Variants in FRMD6 observed in about 807,000 individuals in gnomAD.
FRMD6 encodes FERM domain-containing protein 6.
In FRMD6, 37 loss-of-function variants were observed where a neutral mutation model predicts 73.2. That is an observed-to-expected ratio of 0.51 (90% CI 0.39 to 0.66). The LOEUF is 0.66. FRMD6 is among the 30% of genes least tolerant of loss of function. The probability of loss-of-function intolerance (pLI) is 0.00; values close to 1 mark genes in which losing one functional copy is unlikely to be tolerated. For synonymous variants in FRMD6, 273 were observed against 282.2 expected, an observed-to-expected ratio of 0.97 and a Z score of 0.33; for missense variants, 714 against 780.5, an observed-to-expected ratio of 0.91 and a Z score of 1.02.
the FRMD6 span, among the ~76,000 whole-genome samples, chr14:51,478,498 A>G: frequency 1.3e-5 from 2 of 152,206 alleles, no homozygotes; most frequent in Non-Finnish European, 2.9e-5. Flanking sequence ...ATTCCAATTG[A>G]GCCAATGTAA....
chr14:51,498,372 C>G (rs541848535), intron 1 of FRMD6, among the ~76,000 whole-genome samples: 13 of 152,136 alleles, frequency 8.5e-5, no homozygotes, highest in African/African-American at 3.1e-4. Context: ...AAAGCCAATG[C>G]CACATATTTT....
Position 51,689,954 on chromosome 14 carries a change from A to G in FRMD6, c.99+19A>G, listed in dbSNP as rs376866525. 1.6e-5 allele frequency: 23 copies of G among 1,463,274 alleles called. No individual in the cohort carries two copies. The highest frequency in any genetic ancestry group is 9.7e-5 in the African/African-American group (7 of 72,090). The allele number at this position is 1,463,274 out of a possible 1,614,324, so 90.6% of individuals were successfully genotyped here. On this transcript the variant is annotated intron_variant, in intron 2 of 13. Coordinates refer to ENST00000344768, the MANE Select transcript of FRMD6 (RefSeq NM_001267046.2). ...CATAAATGTGAGTAGATCCAGTTTT[A>G]GAAATGTCTAAATATTGTGTTTTCA...
At chr14:51,463,718 G>A in the FRMD6 span, among the ~76,000 whole-genome samples, 1 of 152,210 alleles carries the variant, frequency 6.6e-6, no homozygotes, top group African/African-American at 2.4e-5. Flanking sequence ...ACACATTGTA[G>A]GCCTTCATGG....
intron 1 of FRMD6, among the ~76,000 whole-genome samples, chr14:51,516,397 A>G (rs1197694789): frequency 1.3e-5 from 2 of 152,232 alleles, no homozygotes; most frequent in Non-Finnish European, 2.9e-5. Context: ...ACTTGGGAAT[A>G]TGACTCTGGA....
At chr14:51,716,832 G>A (rs1417769900) in intron 10 of FRMD6, among the ~76,000 whole-genome samples, 1 of 152,174 alleles carries the variant, frequency 6.6e-6, no homozygotes, top group Non-Finnish European at 1.5e-5. Flanking sequence ...ATTCAGATGG[G>A]GACAGGAGGA....
chr14:51,691,588 A>ATTTTTTTTTTTTTTTTTTTTTTT lies in FRMD6; in HGVS notation c.99+1655_99+1677dup, dbSNP rs758677611. Among the ~76,000 whole-genome samples, 10 of 75,152 alleles carry ATTTTTTTTTTTTTTTTTTTTTTT rather than the reference A, an allele frequency of 1.3e-4. 1 individual carries two copies. The highest frequency in any genetic ancestry group is 3.0e-4 in the Admixed American group (2 of 6,618). The allele number at this position is 75,152 out of a possible 152,430, so 49.3% of individuals were successfully genotyped here. A position where few individuals can be genotyped will look rare whatever the true frequency, so the allele number is the denominator to read the frequency against. On this transcript the variant is annotated intron_variant, in intron 2 of 13. Coordinates refer to ENST00000344768, the MANE Select transcript of FRMD6 (RefSeq NM_001267046.2). ...TTTTTATTTATTTATTTTGATTTTG[A>ATTTTTTTTTTTTTTTTTTTTTTT]TTTTTTTTTTTTTTTTTTTTTTTTG...
chr14:51,657,805 A>G (rs1288041997), intron 1 of FRMD6, among the ~76,000 whole-genome samples: 3 of 152,150 alleles, frequency 2.0e-5, no homozygotes, highest in East Asian at 3.8e-4. Flanking sequence ...TCCTAAGGAT[A>G]TAGTTTGGAA....
intron 1 of FRMD6, among the ~76,000 whole-genome samples, chr14:51,567,793 T>C (rs1887857462): frequency 6.6e-6 from 1 of 152,242 alleles, no homozygotes; most frequent in Non-Finnish European, 1.5e-5. Context: ...TCTGATTATT[T>C]CATATGTACA....
intron 2 of FRMD6, among the ~76,000 whole-genome samples, chr14:51,592,250 GCT>G (rs1889441366): frequency 1.3e-5 from 2 of 152,156 alleles, no homozygotes; most frequent in African/African-American, 4.8e-5. Flanking sequence ...CCTTTGACTG[GCT>G]CTCTCTGTCC....
At chr14:51,605,139 C>CTTTTTT (rs11389733) in intron 2 of FRMD6, among the ~76,000 whole-genome samples, 19 of 119,536 alleles carry the variant, frequency 1.6e-4, no homozygotes, top group East Asian at 5.0e-4. Flanking sequence ...CTGCAGGTTT[C>CTTTTTT]TTTTTTTTTT....
the FRMD6 span, among the ~76,000 whole-genome samples, chr14:51,430,751 T>C: frequency 2.0e-5 from 3 of 152,198 alleles, no homozygotes; most frequent in Non-Finnish European, 4.4e-5. Flanking sequence ...TGGTGTTTGC[T>C]ACCCTTGGGT....
chr14:51,658,996 G>C (rs1447003363), intron 1 of FRMD6, among the ~76,000 whole-genome samples: 1 of 152,126 alleles, frequency 6.6e-6, no homozygotes, highest in Non-Finnish European at 1.5e-5. Context: ...AAAATATGCT[G>C]ACCATAGGGC....
At chr14:51,690,542 C>G in intron 2 of FRMD6, among the ~76,000 whole-genome samples, 1 of 152,142 alleles carries the variant, frequency 6.6e-6, no homozygotes, top group East Asian at 1.9e-4. Flanking sequence ...CGCACCACCA[C>G]GCCCGGCTAA....
chr14:51,659,377 T>C (rs1371710397), intron 1 of FRMD6, among the ~76,000 whole-genome samples: 1 of 152,248 alleles, frequency 6.6e-6, no homozygotes, highest in East Asian at 1.9e-4. Context: ...TAAAAGGACT[T>C]ATAGTTTTAT....
chr14:51,702,330 A>G (rs558346542), intron 4 of FRMD6, among the ~76,000 whole-genome samples, 182 bp from the exon 5 acceptor site: 1 of 152,138 alleles, frequency 6.6e-6, no homozygotes, highest in South Asian at 2.1e-4. Context: ...CTAATTGTAT[A>G]TGAACCTGGT....
intron 1 of FRMD6, among the ~76,000 whole-genome samples, chr14:51,550,222 G>C (rs915249414): frequency 1.3e-5 from 2 of 152,098 alleles, no homozygotes; most frequent in African/African-American, 2.4e-5. Flanking sequence ...TTTGGAAATA[G>C]GAATGATGTC....
intron 1 of FRMD6, among the ~76,000 whole-genome samples, chr14:51,548,451 A>G (rs1886597820): frequency 1.3e-5 from 2 of 152,174 alleles, no homozygotes; most frequent in Non-Finnish European, 2.9e-5. Context: ...AGTAAACATG[A>G]TCATGATGGA....
chr14:51,498,398 G>A (rs1173005761), intron 1 of FRMD6, among the ~76,000 whole-genome samples: 1 of 145,560 alleles, frequency 6.9e-6, no homozygotes, highest in African/African-American at 2.6e-5. Context: ...TTGTTTTGTG[G>A]CAGCACTCCA....
At chr14:51,598,640 A>C (rs1312301268) in intron 2 of FRMD6, among the ~76,000 whole-genome samples, 1 of 152,082 alleles carries the variant, frequency 6.6e-6, no homozygotes, top group Non-Finnish European at 1.5e-5. Context: ...TTTAGCTCCC[A>C]CTTATCAGTG....
Sources: allele counts gnomAD v4.1 joint callset (sites outside exome capture counted in the v4.1 genomes callset), GRCh38; gene constraint gnomAD v4.1.1; transcripts MANE v1.5; gene names NCBI Gene and HGNC (gene_info 2026-07-23, HGNC 2026-07-21).